ACACB: variants seen among roughly 807,000 people sequenced by gnomAD.
ACACB encodes acetyl-CoA carboxylase beta.
A neutral mutation model predicts 278.8 loss-of-function variants in ACACB; 209 were observed. The observed-to-expected ratio is 0.75, with a 90% CI of 0.67 to 0.84. The LOEUF (loss-of-function observed/expected upper bound fraction) is 0.84, where lower values mean the gene tolerates loss of function less well. Ranked by LOEUF, ACACB falls within the 40% of genes least tolerant of loss-of-function variation. The pLI, the probability that ACACB is intolerant of heterozygous loss-of-function variation, is 0.00. For missense variants in ACACB, 2,850 were observed against 3,269.0 expected (o/e 0.87, Z 3.13); for synonymous variants, 1,174 against 1,285.6 (o/e 0.91, Z 1.86).
At chr12:109,178,663 C>T (rs1054404354) in intron 9 of ACACB, among the ~76,000 whole-genome samples, 3 of 152,154 alleles carry the variant, frequency 2.0e-5, no homozygotes, top group African/African-American at 7.2e-5. Flanking sequence ...TAAAGAAAGG[C>T]AGATTTATTG....
intron 45 of ACACB, among the ~76,000 whole-genome samples, 199 bp downstream of exon 45, chr12:109,256,435 G>T (rs894218595): frequency 3.9e-5 from 6 of 152,156 alleles, no homozygotes; most frequent in South Asian, 2.1e-4. Flanking sequence ...TCCTCCTGAG[G>T]CCTGGGACCC....
At chr12:109,201,950 A>G (rs576994274) in intron 19 of ACACB, among the ~76,000 whole-genome samples, 1 of 152,264 alleles carries the variant, frequency 6.6e-6, no homozygotes, top group East Asian at 1.9e-4. Context: ...GTGACCTGCA[A>G]GACCCCAAAT....
Position 109,266,259 on chromosome 12 carries a change from T to C in ACACB, c.7274T>C (p.Val2425Ala), listed in dbSNP as rs1441671018. 6.2e-7 allele frequency: 1 copy of C among 1,612,616 alleles called. No homozygotes were observed. The highest frequency in any genetic ancestry group is 1.3e-5 in the African/African-American group (1 of 74,748). ...IRGLVEENPE[V>A]AVDCVIYLSQ... ...AGCCTGGTTGAAGAAAACCCCGAGG[T>C]GGCCGTGGACTGTGTGATATACCTG... Residue 2425 changes from valine to alanine, a missense_variant, in exon 53 of 53, where the codon GTG becomes GCG. Val to Ala is a moderately conservative substitution (Grantham distance 64). Transcript: ENST00000338432.
intron 15 of ACACB, 108 bp downstream of exon 15, chr12:109,192,058 T>C: frequency 8.6e-7 from 1 of 1,156,794 alleles, no homozygotes; most frequent in Non-Finnish European, 1.3e-6. Flanking sequence ...AGGCAATTGG[T>C]GAGTCTCTCC....
chr12:109,263,101 A>G (rs112673160), intron 49 of ACACB: 1 of 151,554 alleles, frequency 6.6e-6, no homozygotes, highest in African/African-American at 2.4e-5. Flanking sequence ...CCAATCAGAG[A>G]TAAGATATTT....
intron 1 of ACACB, among the ~76,000 whole-genome samples, chr12:109,134,219 C>T (rs2042914836): frequency 6.6e-6 from 1 of 152,214 alleles, no homozygotes; most frequent in African/African-American, 2.4e-5. Flanking sequence ...CAAGCCACTT[C>T]CATGCCATGT....
chr12:109,135,621 C>T (rs1420565973), intron 1 of ACACB, among the ~76,000 whole-genome samples: 2 of 151,634 alleles, frequency 1.3e-5, no homozygotes, highest in Non-Finnish European at 2.9e-5. Context: ...ATTGACAAAT[C>T]CAAGGTCATG....
chr12:109,166,600 C>T (rs2043902870), intron 2 of ACACB, among the ~76,000 whole-genome samples: 2 of 138,778 alleles, frequency 1.4e-5, no homozygotes, highest in Non-Finnish European at 3.0e-5. Context: ...CAGCGAGCCA[C>T]GATTGCACCA....
At chr12:109,136,877 A>C (rs1370880252) in intron 1 of ACACB, among the ~76,000 whole-genome samples, 1 of 152,234 alleles carries the variant, frequency 6.6e-6, no homozygotes, top group Non-Finnish European at 1.5e-5. Context: ...TAGAACTTCC[A>C]GTACAGTGTT....
Position 109,223,857 on chromosome 12 carries a change from A to C in ACACB, c.3835A>C (p.Thr1279Pro). 1.2e-6 allele frequency: 2 copies of C among 1,614,154 alleles called. No individual in the cohort carries two copies. The highest frequency in any genetic ancestry group is 1.7e-6 in the Non-Finnish European group (2 of 1,180,006). The change falls in exon 27 of 53, where the codon ACT becomes CCT. Residue 1279 changes from threonine (T) to proline (P), a missense_variant. Coordinates refer to ENST00000338432, the MANE Select transcript of ACACB (RefSeq NM_001093.4). Reference protein sequence around the residue: ...SETTIFDVLPTFFYHANKVVC... With the variant: ...SETTIFDVLPPFFYHANKVVC... ...AACAACCATCTTCGACGTCCTGCCT[A>C]CTTTCTTCTATCACGCAAACAAAGT...
chr12:109,179,270 G>C lies in ACACB; in HGVS notation c.1620G>C (p.Pro540=). 1 of 1,613,606 alleles carries C rather than the reference G, an allele frequency of 6.2e-7. No individual in the cohort carries two copies. The highest frequency in any genetic ancestry group is 8.5e-7 in the Non-Finnish European group (1 of 1,179,936). Residue 540 remains proline, a synonymous_variant, in exon 10 of 53, where the codon CCG becomes CCC. Coordinates refer to ENST00000338432, the MANE Select transcript of ACACB (RefSeq NM_001093.4). The part of the protein sequence containing the change: ...IVEEAPATIA[P]LAIFEFMEQC... Reference sequence around the variant, plus strand: ...AGGAAGCACCGGCCACCATCGCCCCGCTGGCCATATTCGAGTTCATGGAGC... The same window carrying C: ...AGGAAGCACCGGCCACCATCGCCCCCCTGGCCATATTCGAGTTCATGGAGC...
At position 109,180,061 on chromosome 12, in the gene ACACB, G is replaced by A. The variant is rs200954726; in HGVS notation, c.1792G>A (p.Val598Ile). 249 of 1,611,794 alleles carry A rather than the reference G, an allele frequency of 1.5e-4. No individual in the cohort carries two copies. Among genetic ancestry groups the A allele is most frequent in the Middle Eastern group, 2.1e-4 (1 of 4,716 alleles). The change falls in exon 11 of 53, where the codon GTT (valine) becomes ATT (isoleucine). Residue 598 changes from valine to isoleucine, a missense_variant. Val to Ile is a conservative substitution (Grantham distance 29). Transcript: ENST00000338432. ...EHPCTEMIAD[V>I]NLPAAQLQIA... The stretch of plus-strand genomic sequence containing the variant: ...TCCCTGCACAGAAATGATTGCTGAT[G>A]TTAATCTGCCGGCCGCCCAGCTACA...
chr12:109,203,282 TCTACCTGTTGG>T (rs2045390564), intron 19 of ACACB, among the ~76,000 whole-genome samples: 1 of 152,256 alleles, frequency 6.6e-6, no homozygotes, highest in Non-Finnish European at 1.5e-5. Flanking sequence ...TTGGATTGTT[TCTACCTGTTGG>T]CTACTGTGAA....
intron 2 of ACACB, 32 bp downstream of exon 2, chr12:109,140,090 G>A (rs773971155): frequency 1.9e-6 from 3 of 1,544,078 alleles, no homozygotes; most frequent in Non-Finnish European, 2.6e-6. Context: ...TAACTGAGGA[G>A]TGCAGAGTTC....
chr12:109,140,555 G>A (rs541650870), intron 2 of ACACB, among the ~76,000 whole-genome samples: 2 of 152,174 alleles, frequency 1.3e-5, no homozygotes, highest in African/African-American at 2.4e-5. Context: ...TGCTTGGAAG[G>A]CTGAGGCGGG....
chr12:109,265,163 C>G lies in ACACB; in HGVS notation c.6996C>G (p.Arg2332=). The G allele has an allele frequency of 6.2e-7, 1 of 1,613,896 alleles. No homozygotes were observed. The highest frequency in any genetic ancestry group is 8.5e-7 in the Non-Finnish European group (1 of 1,179,982). The change falls in exon 51 of 53, where the codon CGC becomes CGG. Residue 2332 remains arginine, a synonymous_variant. Coordinates refer to ENST00000338432, the MANE Select transcript of ACACB (RefSeq NM_001093.4). ...ARTFLYWRLR[R]LLLEDQVKQE... ...CCTTCCTGTATTGGCGTCTGCGCCGCCTCCTCCTGGAGGACCAGGTCAAGC... is the reference window on the plus strand; with the variant it reads ...CCTTCCTGTATTGGCGTCTGCGCCGGCTCCTCCTGGAGGACCAGGTCAAGC...
chr12:109,177,657 C>T (rs568508731), intron 9 of ACACB, among the ~76,000 whole-genome samples: 2 of 152,248 alleles, frequency 1.3e-5, no homozygotes, highest in African/African-American at 2.4e-5. Flanking sequence ...CGGTTTCACT[C>T]GTTAACATTT....
chr12:109,133,859 A>ATTT (rs2042897561), intron 1 of ACACB, among the ~76,000 whole-genome samples: 4 of 48,244 alleles, frequency 8.3e-5, no homozygotes, highest in African/African-American at 4.0e-4. Context: ...ATATATATAT[A>ATTT]TATATTTTTT....
chr12:109,181,514 C>G lies in ACACB; in HGVS notation c.1818+1427C>G, dbSNP rs181777520. Among the ~76,000 whole-genome samples, 53 of 152,248 alleles carry G rather than the reference C, an allele frequency of 3.5e-4. 1 individual carries two copies. The highest frequency in any genetic ancestry group is 3.3e-3 in the Admixed American group (51 of 15,286). ...AAGTGCTAGGATTACAGGCATGAGC[C>G]ACTGCACCTGGCCTGTACCACATTT... is the stretch of plus-strand genomic sequence containing the variant. On this transcript the variant is annotated intron_variant, in intron 11 of 52. Transcript: ENST00000338432.
Sources: allele counts gnomAD v4.1 joint callset (sites outside exome capture counted in the v4.1 genomes callset), GRCh38; gene constraint gnomAD v4.1.1; transcripts MANE v1.5; gene names NCBI Gene and HGNC (gene_info 2026-07-23, HGNC 2026-07-21).